Variants in PCDH15 observed in about 807,000 individuals in gnomAD.
PCDH15 encodes the protein protocadherin-15.
Under a neutral mutation model 178.5 loss-of-function variants are expected in PCDH15, and 129 were observed. The ratio of observed to expected loss-of-function variants is 0.72; its 90% CI spans 0.63 to 0.84. PCDH15 has a LOEUF of 0.84. Among genes scored for constraint, PCDH15 ranks in the 40% least tolerant of loss-of-function variants. The probability of loss-of-function intolerance (pLI) is 0.00; values close to 1 mark genes in which losing one functional copy is unlikely to be tolerated. For missense variants in PCDH15, 2,230 were observed against 2,099.9 expected (o/e 1.06, Z -1.21); for synonymous variants, 800 against 732.0 (o/e 1.09, Z -1.50).
At chr10:54,105,323 C>CAG (rs2094897774) in intron 15 of PCDH15, among the ~76,000 whole-genome samples, 1 of 108,932 alleles carries the variant, frequency 9.2e-6, no homozygotes, top group African/African-American at 3.2e-5. Context: ...TATATACACA[C>CAG]ACACATACAT....
intron 1 of PCDH15, among the ~76,000 whole-genome samples, chr10:54,797,766 C>T (rs977302270): frequency 1.3e-5 from 2 of 151,816 alleles, no homozygotes; most frequent in Non-Finnish European, 2.9e-5. Context: ...TTCTATGCTC[C>T]TTATATTAAT....
intron 37 of PCDH15, 148 bp downstream of exon 37, chr10:53,810,408 C>T (rs112350154): frequency 8.3e-5 from 50 of 603,978 alleles, no homozygotes; most frequent in Middle Eastern, 3.7e-4. Context: ...GGCAATGAAA[C>T]GGTCAGCACT....
chr10:54,930,726 A>G (rs1034950067), intron 2 of PCDH15, among the ~76,000 whole-genome samples: 4 of 152,158 alleles, frequency 2.6e-5, no homozygotes, highest in African/African-American at 9.7e-5. Context: ...TAACTTTCCT[A>G]TCAATACTCT....
chr10:55,359,324 T>C (rs187317127), intron 2 of PCDH15, among the ~76,000 whole-genome samples: 1 of 152,218 alleles, frequency 6.6e-6, no homozygotes, highest in East Asian at 1.9e-4. Flanking sequence ...GCTATAATTA[T>C]GCTCCATATT....
At chr10:54,172,270 C>G (rs1340423244) in intron 13 of PCDH15, among the ~76,000 whole-genome samples, 1 of 152,044 alleles carries the variant, frequency 6.6e-6, no homozygotes, top group Non-Finnish European at 1.5e-5. Flanking sequence ...CTGGCTCATC[C>G]TGGCTCAGAA....
intron 2 of PCDH15, among the ~76,000 whole-genome samples, chr10:54,941,099 T>A (rs1273987757): frequency 6.6e-6 from 1 of 152,102 alleles, no homozygotes; most frequent in Non-Finnish European, 1.5e-5. Flanking sequence ...TCTTTTTCGC[T>A]TCTTTAATTT....
chr10:54,238,719 C>T (rs1174275349), intron 8 of PCDH15, among the ~76,000 whole-genome samples: 1 of 142,040 alleles, frequency 7.0e-6, no homozygotes, highest in Non-Finnish European at 1.5e-5. Context: ...ACACACTTTC[C>T]CAATAATCAA....
At chr10:54,873,447 T>C (rs1316887679) in intron 3 of PCDH15, among the ~76,000 whole-genome samples, 1 of 150,318 alleles carries the variant, frequency 6.7e-6, no homozygotes, top group African/African-American at 2.4e-5. Context: ...AGTTTTGTGA[T>C]AAAAAATCTA....
chr10:54,966,855 T>C (rs1222479149), intron 2 of PCDH15, among the ~76,000 whole-genome samples: 1 of 152,150 alleles, frequency 6.6e-6, no homozygotes, highest in Admixed American at 6.5e-5. Context: ...GTTTTCTTTA[T>C]AAATTACCCA....
intron 2 of PCDH15, among the ~76,000 whole-genome samples, chr10:54,642,857 A>G (rs970348732): frequency 6.6e-6 from 1 of 152,222 alleles, no homozygotes; most frequent in African/African-American, 2.4e-5. Flanking sequence ...CTTTGACCCA[A>G]GTTTATTCTT....
intron 1 of PCDH15, among the ~76,000 whole-genome samples, chr10:54,800,087 T>TA (rs1251931154): frequency 6.6e-6 from 1 of 152,178 alleles, no homozygotes; most frequent in Non-Finnish European, 1.5e-5. Context: ...CATCATATTA[T>TA]ACTCTAGTTA....
intron 2 of PCDH15, among the ~76,000 whole-genome samples, chr10:55,622,637 T>A (rs1048630006): frequency 4.6e-5 from 7 of 152,140 alleles, no homozygotes; most frequent in Non-Finnish European, 8.8e-5. Flanking sequence ...AGAATTCCAC[T>A]GTAAAGTAAC....
At chr10:55,005,504 A>C (rs1454555335) in intron 2 of PCDH15, among the ~76,000 whole-genome samples, 1 of 152,100 alleles carries the variant, frequency 6.6e-6, no homozygotes, top group Non-Finnish European at 1.5e-5. Context: ...GTGGATACGC[A>C]TCCCTCATTA....
chr10:53,806,063 G>A lies in PCDH15; in HGVS notation c.*516C>T, dbSNP rs1841130340. ...ATTTAAAATAATTAATTATTTACAG[G>A]TGATTCCCTCATTTACTTTACTTTG... On this transcript the variant is annotated 3_prime_UTR_variant, in exon 38 of 38. Transcript: ENST00000644397. The A allele has an allele frequency of 6.6e-6, 1 of 150,972 alleles. No individual in the cohort carries two copies. Among genetic ancestry groups the A allele is most frequent in the Non-Finnish European group, 1.5e-5 (1 of 68,624 alleles). 9.4% of individuals were successfully genotyped at this position (150,972 alleles called of 1,614,324 possible). A position where few individuals can be genotyped will look rare whatever the true frequency, so the allele number is the denominator to read the frequency against.
intron 2 of PCDH15, among the ~76,000 whole-genome samples, chr10:55,062,034 T>C (rs891190210): frequency 6.6e-6 from 1 of 152,048 alleles, no homozygotes; most frequent in Non-Finnish European, 1.5e-5. Context: ...AGTAAATAAA[T>C]AAAAATTAAA....
intron 32 of PCDH15, among the ~76,000 whole-genome samples, chr10:53,824,145 A>C (rs200149498): frequency 9.9e-5 from 1 of 10,148 alleles, no homozygotes; most frequent in East Asian, 0.5. Context: ...GATTGATGCT[A>C]AAAAAAAAAA....
intron 8 of PCDH15, among the ~76,000 whole-genome samples, chr10:54,307,040 G>GTGTATATATA (rs1554890891): frequency 6.8e-5 from 2 of 29,334 alleles, no homozygotes; most frequent in Admixed American, 1.1e-3. Flanking sequence ...GTGTGTGTGT[G>GTGTATATATA]TATATATATA....
chr10:53,974,945 T>C (rs2090067269), intron 21 of PCDH15, among the ~76,000 whole-genome samples: 1 of 152,104 alleles, frequency 6.6e-6, no homozygotes, highest in Non-Finnish European at 1.5e-5. Context: ...CCCCACCTCC[T>C]CTAATAGTCT....
chr10:54,236,753 G>T, intron 9 of PCDH15, 70 bp downstream of exon 9: 1 of 1,211,496 alleles, frequency 8.3e-7, no homozygotes, highest in Non-Finnish European at 1.2e-6. Flanking sequence ...ATATTTCCTT[G>T]GAATTGAGAG....
Sources: allele counts gnomAD v4.1 joint callset (sites outside exome capture counted in the v4.1 genomes callset), GRCh38; gene constraint gnomAD v4.1.1; transcripts MANE v1.5; gene names NCBI Gene and HGNC (gene_info 2026-07-23, HGNC 2026-07-21).